The following WAC variants were observed in gnomAD, a reference collection of about 807,000 sequenced individuals.
WAC encodes WW domain-containing adapter protein with coiled-coil.
In WAC, 11 loss-of-function variants were observed where a neutral mutation model predicts 79.6. The ratio of observed to expected loss-of-function variants is 0.14; its 90% CI spans 0.09 to 0.23. The LOEUF (loss-of-function observed/expected upper bound fraction) is 0.23. Among genes scored for constraint, WAC ranks in the 10% least tolerant of loss-of-function variants. WAC has a pLI of 1.00. For synonymous variants in WAC, 304 were observed against 276.9 expected, an observed-to-expected ratio of 1.10 and a Z score of -0.97; for missense variants, 728 against 773.5, an observed-to-expected ratio of 0.94 and a Z score of 0.70.
intron 7 of WAC, among the ~76,000 whole-genome samples, chr10:28,601,906 G>C (rs1357498026): frequency 1.3e-5 from 2 of 152,156 alleles, no homozygotes; most frequent in Non-Finnish European, 2.9e-5. Context: ...GTCCGGGGTG[G>C]GAGTGGGTGT....
intron 9 of WAC, 90 bp from the exon 10 acceptor site, chr10:28,611,684 C>A: frequency 6.7e-7 from 1 of 1,499,746 alleles, no homozygotes; most frequent in Admixed American, 2.0e-5. Flanking sequence ...TAGAGTAATA[C>A]AAATATCTTT....
chr10:28,568,685 C>CCTCCCCT (rs1589168110), intron 3 of WAC, among the ~76,000 whole-genome samples: 1 of 151,964 alleles, frequency 6.6e-6, no homozygotes, highest in Non-Finnish European at 1.5e-5. Context: ...TAATGCTATC[C>CCTCCCCT]CTCCCCTCTC....
intron 5 of WAC, among the ~76,000 whole-genome samples, chr10:28,590,445 A>G (rs1589211599): frequency 6.6e-6 from 1 of 152,196 alleles, no homozygotes; most frequent in East Asian, 1.9e-4. Context: ...TAATAGTTTA[A>G]TAAGGCCGTA....
chr10:28,597,555 C>G (rs1051997702), intron 7 of WAC, among the ~76,000 whole-genome samples: 1 of 152,120 alleles, frequency 6.6e-6, no homozygotes, highest in Non-Finnish European at 1.5e-5. Context: ...AGCATCTCAG[C>G]CTTTTTTCCT....
chr10:28,551,802 G>GTGTGTGTGTA (rs1396792033), intron 3 of WAC, among the ~76,000 whole-genome samples: 5 of 148,112 alleles, frequency 3.4e-5, no homozygotes, highest in African/African-American at 7.5e-5. Context: ...GTGTGTGTGT[G>GTGTGTGTGTA]TGTGTGTGTG....
At chr10:28,568,867 C>T (rs981938256) in intron 3 of WAC, among the ~76,000 whole-genome samples, 1 of 152,114 alleles carries the variant, frequency 6.6e-6, no homozygotes, top group East Asian at 1.9e-4. Flanking sequence ...CCACTGTGCC[C>T]GGCCTAAGTT....
intron 5 of WAC, 138 bp downstream of exon 5, chr10:28,589,989 C>T: frequency 1.6e-6 from 1 of 617,320 alleles, no homozygotes; most frequent in Non-Finnish European, 2.8e-6. Context: ...TGGTTGGTTG[C>T]CCCTTCGTGT....
At chr10:28,593,727 T>C (rs2132695627) in intron 6 of WAC, among the ~76,000 whole-genome samples, 1 of 91,330 alleles carries the variant, frequency 1.1e-5, no homozygotes, top group East Asian at 3.6e-4. Context: ...AGTGAGACTC[T>C]CTCAAAAAAA....
intron 3 of WAC, among the ~76,000 whole-genome samples, chr10:28,545,437 G>A (rs1385263161): frequency 2.0e-5 from 3 of 152,078 alleles, no homozygotes; most frequent in African/African-American, 4.8e-5. Context: ...CTGAGATCAC[G>A]CCATTACATT....
At chr10:28,582,012 A>T (rs1403196037) in intron 3 of WAC, among the ~76,000 whole-genome samples, 1 of 152,242 alleles carries the variant, frequency 6.6e-6, no homozygotes, top group Non-Finnish European at 1.5e-5. Flanking sequence ...CTTAGGAAAT[A>T]TCCTCTATCA....
intron 3 of WAC, among the ~76,000 whole-genome samples, chr10:28,559,135 G>GGT (rs750941388): frequency 4.6e-5 from 3 of 64,728 alleles, no homozygotes; most frequent in African/African-American, 7.5e-5. Flanking sequence ...CGAGAAACCT[G>GGT]ATGTGTGTGT....
intron 3 of WAC, among the ~76,000 whole-genome samples, chr10:28,542,171 C>T (rs1837089987): frequency 6.6e-6 from 1 of 152,204 alleles, no homozygotes; most frequent in Admixed American, 6.5e-5. Context: ...ACTGTGCTCA[C>T]TCACTTCAGT....
chr10:28,560,140 G>A (rs182804072), intron 3 of WAC, among the ~76,000 whole-genome samples: 108 of 152,178 alleles, frequency 7.1e-4, no homozygotes, highest in African/African-American at 2.4e-3. Flanking sequence ...CCAGGAGTTC[G>A]AGACCAGGCT....
intron 3 of WAC, among the ~76,000 whole-genome samples, chr10:28,580,469 A>G (rs908946221): frequency 3.3e-5 from 5 of 152,206 alleles, no homozygotes; most frequent in African/African-American, 1.2e-4. Flanking sequence ...TTAATGTGGC[A>G]CTTTCATTTC....
intron 4 of WAC, 120 bp downstream of exon 4, chr10:28,583,625 A>T: frequency 1.4e-6 from 1 of 693,376 alleles, no homozygotes; most frequent in South Asian, 2.4e-5. Context: ...AAATGTTTCA[A>T]TCACAGTCTT....
intron 13 of WAC, among the ~76,000 whole-genome samples, chr10:28,619,104 C>A (rs187957867): frequency 3.3e-5 from 5 of 152,168 alleles, no homozygotes. Flanking sequence ...CATGGCAAAA[C>A]CCTGTCTCTA....
intron 3 of WAC, among the ~76,000 whole-genome samples, chr10:28,564,559 A>G (rs1838491907): frequency 6.6e-6 from 1 of 152,206 alleles, no homozygotes; most frequent in African/African-American, 2.4e-5. Flanking sequence ...AAGGAGAACA[A>G]TACCACACTA....
intron 7 of WAC, among the ~76,000 whole-genome samples, chr10:28,601,913 G>T (rs997739703): frequency 2.0e-5 from 3 of 152,166 alleles, no homozygotes; most frequent in African/African-American, 7.2e-5. Context: ...GTGGGAGTGG[G>T]TGTTAAGTTT....
chr10:28,544,175 G>GC (rs1386150178), intron 3 of WAC, among the ~76,000 whole-genome samples: 1 of 152,206 alleles, frequency 6.6e-6, no homozygotes, highest in Non-Finnish European at 1.5e-5. Flanking sequence ...GAGTCACTGA[G>GC]CCCACTTCTT....
Sources: allele counts gnomAD v4.1 joint callset (sites outside exome capture counted in the v4.1 genomes callset), GRCh38; gene constraint gnomAD v4.1.1; transcripts MANE v1.5; gene names NCBI Gene and HGNC (gene_info 2026-07-23, HGNC 2026-07-21).